Variants in TRABD2A observed in about 807,000 individuals in gnomAD.
The protein encoded by TRABD2A is metalloprotease TIKI1.
TRABD2A carries 43 observed loss-of-function variants against 45.6 expected under a neutral mutation model. The ratio of observed to expected loss-of-function variants is 0.94; its 90% CI spans 0.74 to 1.22. TRABD2A has a LOEUF of 1.22. Ranked by LOEUF, TRABD2A falls within the 50% of genes most tolerant of loss-of-function variation. TRABD2A has a pLI of 0.00. For synonymous variants in TRABD2A, 269 were observed against 265.0 expected (o/e 1.02, Z -0.15); for missense variants, 642 against 652.4 (o/e 0.98, Z 0.17).
In TRABD2A at chr2:84,821,882, G is replaced by C; in HGVS notation, c.*35C>G. 1 of 1,520,120 alleles carries C rather than the reference G, an allele frequency of 6.6e-7. No homozygotes were observed. 94.2% of individuals were successfully genotyped at this position (1,520,120 alleles called of 1,614,324 possible). On this transcript the variant is annotated 3_prime_UTR_variant, in exon 7 of 7. Coordinates refer to ENST00000409520, the MANE Select transcript of TRABD2A (RefSeq NM_001277053.2). ...ACAGGAATGGCCATTCTTCAAGTCC[G>C]AGGGGTCAGGTTCTTAGCCTGGTGC...
In TRABD2A at chr2:84,830,153, A is replaced by G. The variant is rs1681284845; in HGVS notation, c.1082+1902T>C. On this transcript the variant is annotated intron_variant, in intron 5 of 6. Coordinates refer to ENST00000409520, the MANE Select transcript of TRABD2A (RefSeq NM_001277053.2). This position sits in a 1 kb window ranked among gnomAD's most constrained non-coding sequence, Gnocchi z 4.9. ...GGACCAGAGGCCAGTGAGGGAGGAA[A>G]GACCCACAGTCCTGCAGGGCGCAGA... Among the ~76,000 whole-genome samples the G allele has an allele frequency of 6.6e-6, 1 of 152,158 alleles. No homozygotes were observed. Among genetic ancestry groups the G allele is most frequent in the Non-Finnish European group, 1.5e-5 (1 of 68,024 alleles).
intron 2 of TRABD2A, among the ~76,000 whole-genome samples, chr2:84,867,261 C>G (rs546610314): frequency 6.6e-6 from 1 of 152,238 alleles, no homozygotes. Flanking sequence ...ACATCTTAAA[C>G]ACCTACACAA....
intron 6 of TRABD2A, 74 bp downstream of exon 6, chr2:84,823,879 G>T (rs1681065467): frequency 6.3e-7 from 1 of 1,576,110 alleles, no homozygotes; most frequent in African/African-American, 1.4e-5. Context: ...ATTGCAACCA[G>T]TGTGAGGGGC....
chr2:84,873,856 A>G (rs1336183669), intron 1 of TRABD2A, among the ~76,000 whole-genome samples: 1 of 152,236 alleles, frequency 6.6e-6, no homozygotes, highest in Non-Finnish European at 1.5e-5. Flanking sequence ...ATCTAATTGC[A>G]CAATGTCCAG....
At chr2:84,831,542 AAAAG>A (rs1378947365) in intron 5 of TRABD2A, among the ~76,000 whole-genome samples, 1 of 151,798 alleles carries the variant, frequency 6.6e-6, no homozygotes, top group East Asian at 1.9e-4. Flanking sequence ...CCAAAAAAAA[AAAAG>A]AGAGAGAAAT....
At chr2:84,880,362 C>A (rs1683158873) in intron 1 of TRABD2A, among the ~76,000 whole-genome samples, 1 of 152,116 alleles carries the variant, frequency 6.6e-6, no homozygotes, top group Non-Finnish European at 1.5e-5. Context: ...GTGGTCACTC[C>A]GCGAACGCAC....
At chr2:84,864,570 T>A (rs1182979603) in intron 2 of TRABD2A, among the ~76,000 whole-genome samples, 2 of 152,020 alleles carry the variant, frequency 1.3e-5, no homozygotes, top group African/African-American at 2.4e-5. Context: ...CTGCACTAAC[T>A]CTTGCTGTGA....
intron 2 of TRABD2A, among the ~76,000 whole-genome samples, chr2:84,842,789 A>G (rs541663377): frequency 6.6e-6 from 1 of 151,994 alleles, no homozygotes; most frequent in Admixed American, 6.6e-5. Context: ...AACTTCTCAG[A>G]GTCTTTAATA....
At position 84,870,241 on chromosome 2, in the gene TRABD2A, C is replaced by A. The variant is rs1682825822; in HGVS notation, c.653G>T (p.Gly218Val). ...GAGTCTTACCTGTGAAAAGTTCAAC[C>A]CATTCAATGGATGGCACTGCTCTTC... ...KVEEQCHPLN[G>V]LNFSQVIFAL... Residue 218 changes from glycine to valine, a missense_variant, in exon 2 of 7, where the codon GGG becomes GTG. Gly to Val is a moderately radical substitution (Grantham distance 109). Coordinates refer to ENST00000409520, the MANE Select transcript of TRABD2A (RefSeq NM_001277053.2). 4 of 1,610,956 alleles carry A rather than the reference C, an allele frequency of 2.5e-6. No individual in the cohort carries two copies. Among genetic ancestry groups the A allele is most frequent in the Non-Finnish European group, 2.5e-6 (3 of 1,177,812 alleles).
intron 2 of TRABD2A, among the ~76,000 whole-genome samples, chr2:84,855,448 A>T (rs1477543718): frequency 6.6e-6 from 1 of 152,108 alleles, no homozygotes; most frequent in Non-Finnish European, 1.5e-5. Flanking sequence ...TTTTAAAAAA[A>T]AATGGTTATC....
At chr2:84,836,376 A>T (rs1681510696) in intron 4 of TRABD2A, 2 of 152,208 alleles carry the variant, frequency 1.3e-5, no homozygotes, top group South Asian at 4.1e-4. Flanking sequence ...TGTCTCCCAT[A>T]GCCTTCTGGC....
intron 6 of TRABD2A, among the ~76,000 whole-genome samples, chr2:84,822,338 C>T (rs915039329): frequency 8.5e-5 from 13 of 152,208 alleles, no homozygotes; most frequent in Non-Finnish European, 1.5e-4. Flanking sequence ...CTGTCCCTGG[C>T]TATTTGGCTC....
intron 2 of TRABD2A, among the ~76,000 whole-genome samples, chr2:84,844,808 A>G (rs1406659080): frequency 6.6e-6 from 1 of 152,206 alleles, no homozygotes. Flanking sequence ...AACTCATCCA[A>G]GCCAAATCCT....
chr2:84,845,940 G>A (rs1478560360), intron 2 of TRABD2A, among the ~76,000 whole-genome samples: 1 of 152,132 alleles, frequency 6.6e-6, no homozygotes, highest in African/African-American at 2.4e-5. Context: ...AAGATGGGTG[G>A]AAAGGAGGTC....
intron 2 of TRABD2A, among the ~76,000 whole-genome samples, chr2:84,848,391 C>T (rs1277669851): frequency 1.9e-4 from 28 of 144,862 alleles, no homozygotes; most frequent in African/African-American, 7.8e-4. Flanking sequence ...GACAGACAGA[C>T]AGACAGACAG....
At chr2:84,878,691 C>A (rs993160301) in intron 1 of TRABD2A, among the ~76,000 whole-genome samples, 1 of 152,148 alleles carries the variant, frequency 6.6e-6, no homozygotes, top group African/African-American at 2.4e-5. Flanking sequence ...ACCATGAAAA[C>A]CAAACCAGCT....
rs141426681 is a variant in TRABD2A, at chr2:84,841,445, G to T, written c.816+416C>A. On this transcript the variant is annotated intron_variant, in intron 3 of 6. Transcript: ENST00000409520. ...TGCCCTAAGCCTGTAAGCATTCTGT[G>T]AATACACAGCTATATCATGTTCACA... 2.3e-3 allele frequency among the ~76,000 whole-genome samples: 357 copies of T among 152,338 alleles called. 1 individual carries two copies. Among genetic ancestry groups the T allele is most frequent in the Non-Finnish European group, 3.2e-3 (219 of 68,038 alleles).
rs544410237 is a variant in TRABD2A at position 84,875,470 on chromosome 2, C to T, written c.109-4685G>A. On this transcript the variant is annotated intron_variant, in intron 1 of 6. Coordinates refer to ENST00000409520, the MANE Select transcript of TRABD2A (RefSeq NM_001277053.2). ...TGAGTGAGGTCAAGCCATGCAGGGT[C>T]GGTGGGCCTCTGGAAAGGCCCCAGG... is the stretch of plus-strand genomic sequence containing the variant. Among the ~76,000 whole-genome samples the T allele has an allele frequency of 1.9e-3, 285 of 152,276 alleles. 1 individual carries two copies. The highest frequency in any genetic ancestry group is 0.019 in the South Asian group (90 of 4,830).
rs1682846588 is a variant in TRABD2A, at chr2:84,870,652, C to T, written c.242G>A (p.Ser81Asn). The T allele has an allele frequency of 6.2e-7, 1 of 1,611,624 alleles. No individual in the cohort carries two copies. The highest frequency in any genetic ancestry group is 1.1e-5 in the South Asian group (1 of 90,534). ...PDNSKEAFLQ[S>N]SIVYFELDLT... ...ATCCAACTCAAAGTACACAATGCTG[C>T]TCTGCAGGAAAGCCTCCTTAGAGTT... The change falls in exon 2 of 7, where the codon AGC (serine) becomes AAC (asparagine). Residue 81 changes from serine to asparagine, a missense_variant. Coordinates refer to ENST00000409520, the MANE Select transcript of TRABD2A (RefSeq NM_001277053.2).
Sources: allele counts gnomAD v4.1 joint callset (sites outside exome capture counted in the v4.1 genomes callset), GRCh38; gene constraint gnomAD v4.1.1; non-coding constraint Gnocchi (gnomAD v3.1); transcripts MANE v1.5; gene names NCBI Gene and HGNC (gene_info 2026-07-23, HGNC 2026-07-21).